Variants in ARID1B observed in about 807,000 individuals in gnomAD.
ARID1B encodes AT-rich interactive domain-containing protein 1B.
In ARID1B, 30 loss-of-function variants were observed where a neutral mutation model predicts 212.3. The ratio of observed to expected loss-of-function variants is 0.14; its 90% CI spans 0.11 to 0.19. ARID1B has a LOEUF of 0.19. ARID1B is among the 10% of genes least tolerant of loss of function. The pLI is 1.00. For synonymous variants in ARID1B, 1,402 were observed against 1,301.7 expected (o/e 1.08, Z -1.66); for missense variants, 2,891 against 3,204.0 (o/e 0.90, Z 2.36).
chr6:156,816,538 G>A (rs1374738509), intron 1 of ARID1B, among the ~76,000 whole-genome samples: 2 of 152,348 alleles, frequency 1.3e-5, no homozygotes, highest in Non-Finnish European at 2.9e-5. Context: ...ACAATGAGTT[G>A]CAGTTGATGG....
intron 1 of ARID1B, among the ~76,000 whole-genome samples, chr6:156,827,130 C>G (rs1327290928): frequency 6.6e-6 from 1 of 152,142 alleles, no homozygotes; most frequent in East Asian, 1.9e-4. Flanking sequence ...GTCCTCTCTG[C>G]TGACTTCTCT....
intron 4 of ARID1B, among the ~76,000 whole-genome samples, chr6:157,076,812 A>T (rs1314357929): frequency 4.6e-5 from 7 of 152,198 alleles, no homozygotes; most frequent in Non-Finnish European, 1.0e-4. Flanking sequence ...ATAGGTTCCT[A>T]CCTGGCAATG....
intron 6 of ARID1B, among the ~76,000 whole-genome samples, chr6:157,120,973 A>G (rs1172904229): frequency 4.6e-5 from 7 of 152,218 alleles, no homozygotes; most frequent in Non-Finnish European, 8.8e-5. Context: ...TTTCATGGGT[A>G]GGATGAATGG....
intron 11 of ARID1B, 104 bp from the exon 12 acceptor site, chr6:157,180,865 C>A (rs907496528): frequency 1.1e-6 from 1 of 920,334 alleles, no homozygotes; most frequent in African/African-American, 1.7e-5. Context: ...AGTTTTTAAT[C>A]TCTTCTCTTC....
At chr6:157,122,652 G>A (rs746619152) in intron 6 of ARID1B, among the ~76,000 whole-genome samples, 12 of 152,262 alleles carry the variant, frequency 7.9e-5, no homozygotes, top group East Asian at 1.9e-4. Context: ...AGGGTCCTGC[G>A]TGCTCTAACT....
At chr6:156,793,033 C>T (rs930090349) in intron 1 of ARID1B, among the ~76,000 whole-genome samples, 1 of 152,156 alleles carries the variant, frequency 6.6e-6, no homozygotes, top group Non-Finnish European at 1.5e-5. Flanking sequence ...CTGCAGTTCG[C>T]ATGGCAGGCA....
chr6:157,059,991 A>G (rs1330523275), intron 4 of ARID1B, among the ~76,000 whole-genome samples: 7 of 152,176 alleles, frequency 4.6e-5, no homozygotes, highest in Admixed American at 4.6e-4. Flanking sequence ...GCGTGTCAAG[A>G]GGAAGTGTAT....
At chr6:156,927,194 T>G (rs1791295281) in intron 3 of ARID1B, among the ~76,000 whole-genome samples, 1 of 152,228 alleles carries the variant, frequency 6.6e-6, no homozygotes, top group Non-Finnish European at 1.5e-5. Context: ...CCAAATAAAG[T>G]GTTAACAATT....
chr6:156,980,292 G>A (rs539545807), intron 4 of ARID1B, among the ~76,000 whole-genome samples: 6 of 152,032 alleles, frequency 3.9e-5, no homozygotes, highest in East Asian at 3.9e-4. Context: ...AGACCACCCC[G>A]GCCCACACAA....
At chr6:157,028,040 T>C (rs1483075962) in intron 4 of ARID1B, among the ~76,000 whole-genome samples, 1 of 152,190 alleles carries the variant, frequency 6.6e-6, no homozygotes, top group Admixed American at 6.5e-5. Flanking sequence ...GCATAAGACA[T>C]TGGCTTCATA....
At chr6:157,016,296 A>G (rs1779916207) in intron 4 of ARID1B, among the ~76,000 whole-genome samples, 1 of 152,198 alleles carries the variant, frequency 6.6e-6, no homozygotes, top group Non-Finnish European at 1.5e-5. Flanking sequence ...TCAATTGCAA[A>G]TAGGTGCCAC....
intron 4 of ARID1B, among the ~76,000 whole-genome samples, chr6:157,062,405 C>T (rs536333285): frequency 4.9e-4 from 74 of 152,044 alleles, no homozygotes; most frequent in African/African-American, 1.7e-3. Context: ...ACTGCATTGC[C>T]CAGGCTGGTC....
chr6:156,794,963 C>T (rs922754419), intron 1 of ARID1B, among the ~76,000 whole-genome samples: 2 of 152,152 alleles, frequency 1.3e-5, no homozygotes, highest in East Asian at 3.9e-4. Flanking sequence ...AGAATTTGGG[C>T]TACAAGGGCT....
intron 4 of ARID1B, among the ~76,000 whole-genome samples, chr6:157,040,292 A>T (rs1781797159): frequency 6.6e-6 from 1 of 152,212 alleles, no homozygotes; most frequent in Admixed American, 6.5e-5. Context: ...TTTTAAACGC[A>T]TTCACAATTG....
chr6:156,811,303 C>T (rs560053380), intron 1 of ARID1B, among the ~76,000 whole-genome samples: 33 of 152,204 alleles, frequency 2.2e-4, no homozygotes, highest in African/African-American at 6.5e-4. Flanking sequence ...AGGTCTTACC[C>T]GTACTCAAGA....
In ARID1B at chr6:157,094,571, T is replaced by C. The variant is rs572581144; in HGVS notation, c.2491+9666T>C. On this transcript the variant is annotated intron_variant, in intron 5 of 19. Transcript: ENST00000636930. The surrounding 1 kb of genome is among the most constrained non-coding windows in gnomAD (Gnocchi z 4.3). ...GGTTTCGCCATGTTGGCCAGGCTGGTCTCGAACTCCTGACCTCTCGAAATC... is the reference window on the plus strand; with the variant it reads ...GGTTTCGCCATGTTGGCCAGGCTGGCCTCGAACTCCTGACCTCTCGAAATC... 1.6e-4 allele frequency among the ~76,000 whole-genome samples: 25 copies of C among 152,264 alleles called. No homozygotes were observed. The South Asian group carries it at 4.1e-3, about 25-fold the overall frequency.
intron 4 of ARID1B, among the ~76,000 whole-genome samples, chr6:157,048,477 T>C (rs929083668): frequency 3.9e-5 from 6 of 152,216 alleles, no homozygotes; most frequent in African/African-American, 1.4e-4. Context: ...CATTTCACAT[T>C]ATAACTTAAA....
intron 7 of ARID1B, among the ~76,000 whole-genome samples, chr6:157,144,851 A>G (rs910021177): frequency 6.6e-6 from 1 of 152,232 alleles, no homozygotes; most frequent in Non-Finnish European, 1.5e-5. Context: ...AGAACTTTGA[A>G]ACTGATGAAC....
At chr6:156,903,786 G>A (rs567860342) in intron 3 of ARID1B, among the ~76,000 whole-genome samples, 2 of 152,126 alleles carry the variant, frequency 1.3e-5, no homozygotes, top group South Asian at 2.1e-4. Context: ...ATTTCATAAC[G>A]ACCAGAACAT....
Sources: allele counts gnomAD v4.1 joint callset (sites outside exome capture counted in the v4.1 genomes callset), GRCh38; gene constraint gnomAD v4.1.1; non-coding constraint Gnocchi (gnomAD v3.1); transcripts MANE v1.5; gene names NCBI Gene and HGNC (gene_info 2026-07-23, HGNC 2026-07-21).